Variants in LGR5 observed in about 807,000 individuals in gnomAD.
The protein encoded by LGR5 is leucine-rich repeat-containing G protein-coupled receptor 5.
LGR5 carries 54 observed loss-of-function variants against 76.7 expected under a neutral mutation model. The observed-to-expected ratio is 0.70, with a 90% CI of 0.57 to 0.88. The LOEUF (loss-of-function observed/expected upper bound fraction) is 0.88. LGR5 is among the 40% of genes least tolerant of loss of function. The pLI is 0.00. For missense variants in LGR5, 1,078 were observed against 1,073.3 expected, an observed-to-expected ratio of 1.00 and a Z score of -0.06; for synonymous variants, 406 against 421.9, an observed-to-expected ratio of 0.96 and a Z score of 0.46.
At chr12:71,473,306 T>C (rs1043261335) in intron 1 of LGR5, among the ~76,000 whole-genome samples, 3 of 152,112 alleles carry the variant, frequency 2.0e-5, no homozygotes, top group Admixed American at 6.5e-5. Flanking sequence ...GTGTAGTAGG[T>C]TTATAAATTA....
At chr12:71,466,213 A>G (rs1365741110) in intron 1 of LGR5, among the ~76,000 whole-genome samples, 1 of 152,248 alleles carries the variant, frequency 6.6e-6, no homozygotes, top group Non-Finnish European at 1.5e-5. Context: ...ATATACTAGC[A>G]TAATCCTTCT....
intron 1 of LGR5, among the ~76,000 whole-genome samples, chr12:71,486,223 G>T (rs67643764): frequency 2.0e-5 from 3 of 152,064 alleles, no homozygotes; most frequent in African/African-American, 7.2e-5. Context: ...CTCAGTTGCC[G>T]CTGTTGACAC....
chr12:71,555,444 A>G (rs17109817), intron 5 of LGR5, among the ~76,000 whole-genome samples: 4,058 of 152,244 alleles, frequency 0.027, 187 homozygotes, highest in African/African-American at 0.093. Context: ...CTGACTTACC[A>G]ATTGAACCAA....
At chr12:71,541,782 C>T (rs1227472477) in intron 4 of LGR5, among the ~76,000 whole-genome samples, 1 of 152,134 alleles carries the variant, frequency 6.6e-6, no homozygotes, top group Non-Finnish European at 1.5e-5. Flanking sequence ...AGCTGATCTT[C>T]CCAAGGTCAC....
In LGR5 at chr12:71,584,136, C is replaced by T. The variant is rs1343360743; in HGVS notation, c.2126C>T (p.Ser709Phe). 6.2e-7 allele frequency: 1 copy of T among 1,614,178 alleles called. No homozygotes were observed. Among genetic ancestry groups the T allele is most frequent in the Non-Finnish European group, 8.5e-7 (1 of 1,180,036 alleles). Residue 709 changes from serine (S) to phenylalanine (F), a missense_variant, in exon 18 of 18, where the codon TCC (serine) becomes TTC (phenylalanine). Transcript: ENST00000266674. ...CTGGGTGGCAGCAAGTATGGCGCCT[C>T]CCCTCTCTGCCTGCCTTTGCCTTTT... The part of the protein sequence containing the change: ...PLLGGSKYGA[S>F]PLCLPLPFGE...
intron 1 of LGR5, among the ~76,000 whole-genome samples, chr12:71,463,519 A>C (rs1303358949): frequency 6.6e-6 from 1 of 152,216 alleles, no homozygotes; most frequent in Non-Finnish European, 1.5e-5. Flanking sequence ...CTCACTGTAG[A>C]GGATAAAATG....
intron 4 of LGR5, among the ~76,000 whole-genome samples, chr12:71,547,873 C>T (rs757829151): frequency 6.6e-6 from 1 of 152,148 alleles, no homozygotes; most frequent in Non-Finnish European, 1.5e-5. Context: ...TCCCAAAGTG[C>T]TAGGCCTCAA....
intron 1 of LGR5, among the ~76,000 whole-genome samples, chr12:71,477,298 T>C (rs1262819470): frequency 1.3e-5 from 2 of 152,020 alleles, no homozygotes; most frequent in East Asian, 3.9e-4. Flanking sequence ...CCCCTGAGAC[T>C]CCACACTAAA....
intron 1 of LGR5, among the ~76,000 whole-genome samples, chr12:71,464,209 C>T (rs1872777055): frequency 6.6e-6 from 1 of 152,070 alleles, no homozygotes; most frequent in South Asian, 2.1e-4. Flanking sequence ...TCTAAAGAGA[C>T]AGGAACTATA....
At chr12:71,557,917 G>C (rs1309355224) in intron 6 of LGR5, among the ~76,000 whole-genome samples, 1 of 152,172 alleles carries the variant, frequency 6.6e-6, no homozygotes, top group African/African-American at 2.4e-5. Flanking sequence ...CTGTGCCCTT[G>C]GGGCCCACTG....
Position 71,583,850 on chromosome 12 carries a change from G to A in LGR5, c.1840G>A (p.Ala614Thr). 1 of 1,614,148 alleles carries A rather than the reference G, an allele frequency of 6.2e-7. No homozygotes were observed. The highest frequency in any genetic ancestry group is 8.5e-7 in the Non-Finnish European group (1 of 1,180,026). ...MLTGVSSAVL[A>T]GVDAFTFGSF... ...CACGGGAGTCTCCAGTGCCGTGCTG[G>A]CTGGTGTGGATGCGTTCACTTTTGG... The change falls in exon 18 of 18, where the codon GCT becomes ACT. Residue 614 changes from alanine (A) to threonine (T), a missense_variant. Transcript: ENST00000266674.
At chr12:71,581,694 A>G (rs576265782) in intron 16 of LGR5, among the ~76,000 whole-genome samples, 6 of 152,222 alleles carry the variant, frequency 3.9e-5, no homozygotes, top group African/African-American at 1.4e-4. Flanking sequence ...CACTCAAAAC[A>G]TAAAAACACA....
upstream of LGR5, chr12:71,439,709 G>A (rs1871656315): frequency 4.5e-6 from 1 of 221,684 alleles, no homozygotes. Flanking sequence ...CGGGCGGGGG[G>A]TGCCTGGGAA....
chr12:71,532,051 G>A (rs1365840954), intron 3 of LGR5, among the ~76,000 whole-genome samples: 2 of 152,046 alleles, frequency 1.3e-5, no homozygotes, highest in African/African-American at 4.8e-5. Flanking sequence ...CCACTGTTTG[G>A]TTAGTAAGGC....
rs1225309052 is a variant in LGR5 at position 71,566,385 on chromosome 12, C to T, written c.858-19C>T. 1 of 1,501,656 alleles carries T rather than the reference C, an allele frequency of 6.7e-7. No homozygotes were observed. Among genetic ancestry groups the T allele is most frequent in the Non-Finnish European group, 9.2e-7 (1 of 1,083,214 alleles). 93.0% of individuals were successfully genotyped at this position (1,501,656 alleles called of 1,614,324 possible). On this transcript the variant is annotated intron_variant, in intron 8 of 17. Coordinates refer to ENST00000266674, the MANE Select transcript of LGR5 (RefSeq NM_003667.4). ...AAATTTTATACTAAGATATTAATTG[C>T]TGTTTGGGTTTCTTTTAGACATTTC...
chr12:71,464,953 G>A (rs1292091712), intron 1 of LGR5, among the ~76,000 whole-genome samples: 1 of 152,148 alleles, frequency 6.6e-6, no homozygotes, highest in East Asian at 1.9e-4. Context: ...TGGGCAGAGG[G>A]AGAAGTTAAA....
chr12:71,458,567 TG>T (rs1488555965), intron 1 of LGR5, among the ~76,000 whole-genome samples: 2 of 152,178 alleles, frequency 1.3e-5, no homozygotes, highest in Non-Finnish European at 2.9e-5. Flanking sequence ...TGTTTTAAAA[TG>T]TAAGTCTGTT....
At chr12:71,565,262 C>G (rs1878282873) in intron 8 of LGR5, among the ~76,000 whole-genome samples, 2 of 151,780 alleles carry the variant, frequency 1.3e-5, no homozygotes, top group Admixed American at 1.3e-4. Context: ...CCAAACCCTA[C>G]CACTAAGCAT....
At chr12:71,546,814 G>T (rs1877194627) in intron 4 of LGR5, among the ~76,000 whole-genome samples, 1 of 152,158 alleles carries the variant, frequency 6.6e-6, no homozygotes, top group South Asian at 2.1e-4. Flanking sequence ...AGACTGCTGG[G>T]AGAGGATAAG....
Sources: gnomAD v4.1 joint callset for allele counts (sites outside exome capture counted in the v4.1 genomes callset) on GRCh38, gnomAD v4.1.1 for gene constraint, MANE v1.5 for transcripts, NCBI Gene and HGNC (gene_info 2026-07-23, HGNC 2026-07-21) for gene names.